The following GRM7 variants were observed in gnomAD, a reference collection of about 807,000 sequenced individuals.
GRM7 encodes the protein metabotropic glutamate receptor 7.
In GRM7, 35 loss-of-function variants were observed where a neutral mutation model predicts 84.5. The ratio of observed to expected loss-of-function variants is 0.41; its 90% CI spans 0.32 to 0.55. The LOEUF is 0.55. GRM7 is among the 20% of genes least tolerant of loss of function. The pLI is 0.19. For synonymous variants in GRM7, 487 were observed against 455.1 expected (o/e 1.07, Z -0.89); for missense variants, 1,003 against 1,194.6 (o/e 0.84, Z 2.36).
chr3:7,625,706 A>G lies in GRM7; in HGVS notation c.2451+46349A>G, dbSNP rs376720889. ...TTTTGAAAAGAATCAGGGACAGAAG[A>G]ATATTCCCTGTCTGCTTCTGCCCTG... On this transcript the variant is annotated intron_variant, in intron 8 of 9. Transcript: ENST00000357716. Among the ~76,000 whole-genome samples, 215 of 152,288 alleles carry G rather than the reference A, an allele frequency of 1.4e-3. 1 individual carries two copies. The highest frequency in any genetic ancestry group is 4.9e-3 in the African/African-American group (203 of 41,572).
intron 8 of GRM7, among the ~76,000 whole-genome samples, chr3:7,636,998 G>A (rs148990470): frequency 2.6e-5 from 4 of 152,230 alleles, no homozygotes; most frequent in African/African-American, 4.8e-5. Flanking sequence ...CTTTAACTTC[G>A]TGGTCATGGC....
At chr3:6,987,875 G>A (rs1218640032) in intron 1 of GRM7, among the ~76,000 whole-genome samples, 1 of 152,064 alleles carries the variant, frequency 6.6e-6, no homozygotes, top group Non-Finnish European at 1.5e-5. Flanking sequence ...TAGCCATGGA[G>A]GCCATTCCAG....
At chr3:7,571,165 C>T (rs949832792) in intron 7 of GRM7, among the ~76,000 whole-genome samples, 4 of 152,170 alleles carry the variant, frequency 2.6e-5, no homozygotes, top group African/African-American at 9.6e-5. Flanking sequence ...CTCTGACATG[C>T]CCTGGAGACA....
intron 5 of GRM7, among the ~76,000 whole-genome samples, chr3:7,420,454 T>C (rs114170457): frequency 0.011 from 1,670 of 152,256 alleles, 23 homozygotes; most frequent in African/African-American, 0.034. Context: ...TTTGAAACCG[T>C]TTTGATGAGA....
chr3:7,416,941 T>C lies in GRM7; in HGVS notation c.1174+1778T>C, dbSNP rs191985971. 2.2e-4 allele frequency among the ~76,000 whole-genome samples: 34 copies of C among 152,186 alleles called. No homozygotes were observed. The East Asian group carries it at 3.9e-3, about 17-fold the overall frequency. On this transcript the variant is annotated intron_variant, in intron 5 of 9. Transcript: ENST00000357716. ...GTTTTCCTGGGTTCTTTCTGACATT[T>C]TGTGTTCTGTAGAGTGTCTGGAAGG...
At chr3:7,230,104 G>T (rs1167099683) in intron 2 of GRM7, among the ~76,000 whole-genome samples, 1 of 151,900 alleles carries the variant, frequency 6.6e-6, no homozygotes, top group East Asian at 2.0e-4. Flanking sequence ...CTCCCAAAAT[G>T]CTGGGATTGC....
rs548635547 is a variant in GRM7, at chr3:7,009,282, T to C, written c.520-137170T>C. ...TTCACATCAATACATTTTGAAAACA[T>C]GTACTGAGTATTTCTTGGGTGCCAA... On this transcript the variant is annotated intron_variant, in intron 1 of 9. Coordinates refer to ENST00000357716, the MANE Select transcript of GRM7 (RefSeq NM_000844.4). Among the ~76,000 whole-genome samples, 4 of 152,334 alleles carry C rather than the reference T, an allele frequency of 2.6e-5. No homozygotes were observed. In the South Asian group the frequency reaches 8.3e-4, roughly 32 times the overall value.
rs75067434 is a variant in GRM7, at chr3:7,246,924, T to C, written c.737-51760T>C. 3.9e-3 allele frequency among the ~76,000 whole-genome samples: 589 copies of C among 152,204 alleles called. 2 individuals carry two copies. Among genetic ancestry groups the C allele is most frequent in the African/African-American group, 0.013 (542 of 41,540 alleles). ...ACTAGATTTCAAAACTTAACATAAA[T>C]CTATAGTAATCAAAAGAGTATTACA... On this transcript the variant is annotated intron_variant, in intron 2 of 9. Coordinates refer to ENST00000357716, the MANE Select transcript of GRM7 (RefSeq NM_000844.4).
chr3:7,116,293 TAAC>T (rs1693029921), intron 1 of GRM7, among the ~76,000 whole-genome samples: 2 of 152,174 alleles, frequency 1.3e-5, no homozygotes, highest in East Asian at 1.9e-4. Context: ...TCGTGAATTA[TAAC>T]AACTGAGGTG....
intron 2 of GRM7, among the ~76,000 whole-genome samples, chr3:7,170,524 G>A (rs980440767): frequency 1.3e-5 from 2 of 152,112 alleles, no homozygotes; most frequent in African/African-American, 2.4e-5. Flanking sequence ...TACTTCAAGT[G>A]GTTTAATTTT....
intron 9 of GRM7, among the ~76,000 whole-genome samples, chr3:7,687,827 A>G (rs1257016849): frequency 6.6e-6 from 1 of 152,146 alleles, no homozygotes; most frequent in African/African-American, 2.4e-5. Flanking sequence ...ACTTCCAAAG[A>G]GTAATGACAT....
At chr3:7,468,030 G>T (rs962762730) in intron 7 of GRM7, among the ~76,000 whole-genome samples, 7 of 152,142 alleles carry the variant, frequency 4.6e-5, no homozygotes, top group African/African-American at 1.7e-4. Context: ...GCAGTTGATT[G>T]CCAAAATCTG....
At position 7,293,519 on chromosome 3, in the gene GRM7, C is replaced by T. The variant is rs142700704; in HGVS notation, c.737-5165C>T. On this transcript the variant is annotated intron_variant, in intron 2 of 9. Transcript: ENST00000357716. The stretch of plus-strand genomic sequence containing the variant: ...CTATCTGTCATGGCTCTTCAGTTGC[C>T]ACATTTACGATGAGACTTTCCAGTT... 4.2e-3 allele frequency among the ~76,000 whole-genome samples: 639 copies of T among 152,268 alleles called. 4 individuals are homozygous for T. Among genetic ancestry groups the T allele is most frequent in the African/African-American group, 0.015 (611 of 41,548 alleles).
chr3:7,553,126 C>G (rs1693571036), intron 7 of GRM7, among the ~76,000 whole-genome samples: 1 of 152,192 alleles, frequency 6.6e-6, no homozygotes, highest in Non-Finnish European at 1.5e-5. Flanking sequence ...TCTAAGTCAT[C>G]TCTCTCAAGT....
intron 2 of GRM7, among the ~76,000 whole-genome samples, chr3:7,166,460 C>T (rs185898412): frequency 1.3e-5 from 2 of 152,266 alleles, no homozygotes; most frequent in Admixed American, 1.3e-4. Flanking sequence ...AGGAGATACT[C>T]TTTCTGAGAT....
intron 7 of GRM7, among the ~76,000 whole-genome samples, chr3:7,469,619 C>T (rs1698612142): frequency 6.6e-6 from 1 of 152,090 alleles, no homozygotes; most frequent in African/African-American, 2.4e-5. Context: ...AGCATCAAAA[C>T]AGGAAAGGAC....
chr3:7,398,614 G>A, intron 4 of GRM7, among the ~76,000 whole-genome samples: 1 of 152,032 alleles, frequency 6.6e-6, no homozygotes, highest in Middle Eastern at 3.4e-3. Context: ...CTGTGGGTGG[G>A]TTTTTTGTGT....
At chr3:7,655,491 A>T (rs1013730078) in intron 8 of GRM7, among the ~76,000 whole-genome samples, 1 of 152,184 alleles carries the variant, frequency 6.6e-6, no homozygotes, top group Non-Finnish European at 1.5e-5. Context: ...TTTCCCAATA[A>T]GGTCACTTTC....
chr3:7,150,114 AG>A (rs1223030481), intron 2 of GRM7, among the ~76,000 whole-genome samples: 1 of 151,842 alleles, frequency 6.6e-6, no homozygotes, highest in Non-Finnish European at 1.5e-5. Context: ...AGAAAGAGAG[AG>A]GGGGGTGCAT....
Sources: gnomAD v4.1 joint callset for allele counts (sites outside exome capture counted in the v4.1 genomes callset) on GRCh38, gnomAD v4.1.1 for gene constraint, MANE v1.5 for transcripts, NCBI Gene and HGNC (gene_info 2026-07-23, HGNC 2026-07-21) for gene names.